SCFD1: variants seen among roughly 807,000 people sequenced by gnomAD.
SCFD1 encodes sec1 family domain containing 1, also known as sec1 family domain-containing protein 1.
SCFD1 carries 37 observed loss-of-function variants against 103.2 expected under a neutral mutation model. That is an observed-to-expected ratio of 0.36 (90% confidence interval 0.28 to 0.47). The LOEUF (loss-of-function observed/expected upper bound fraction) is 0.47. SCFD1 is among the 20% of genes least tolerant of loss of function. The pLI is 1.00. For synonymous variants in SCFD1, 264 were observed against 245.0 expected, an observed-to-expected ratio of 1.08 and a Z score of -0.73; for missense variants, 639 against 761.2, an observed-to-expected ratio of 0.84 and a Z score of 1.89.
intron 10 of SCFD1, among the ~76,000 whole-genome samples, chr14:30,664,539 G>A (rs1373473300): frequency 2.6e-5 from 4 of 152,134 alleles, no homozygotes; most frequent in African/African-American, 4.8e-5. Flanking sequence ...AAAGCTGGAC[G>A]GAGAATGATG....
intron 23 of SCFD1, among the ~76,000 whole-genome samples, chr14:30,728,581 G>A (rs1196648051): frequency 6.6e-6 from 1 of 152,076 alleles, no homozygotes; most frequent in African/African-American, 2.4e-5. Context: ...CTTCTTTTAG[G>A]TATATACCTA....
chr14:30,625,705 A>ATATAGGCATATAGGTATACCGATATAGG (rs1473030028), intron 1 of SCFD1, among the ~76,000 whole-genome samples: 10 of 105,986 alleles, frequency 9.4e-5, no homozygotes, highest in African/African-American at 5.1e-4. Flanking sequence ...AGGTATAGGT[A>ATATAGGCATATAGGTATACCGATATAGG]TATAGGTATA....
chr14:30,668,148 A>G (rs546131818), intron 10 of SCFD1, among the ~76,000 whole-genome samples: 1 of 152,330 alleles, frequency 6.6e-6, no homozygotes, highest in Non-Finnish European at 1.5e-5. Flanking sequence ...ACTTCAAACT[A>G]TACTACAAGG....
chr14:30,684,366 A>G (rs1458584601), intron 14 of SCFD1, among the ~76,000 whole-genome samples: 3 of 152,206 alleles, frequency 2.0e-5, no homozygotes, highest in African/African-American at 7.2e-5. Context: ...GGGACAAACT[A>G]GTTTTAGAAA....
At chr14:30,651,800 T>C (rs1271320983) in intron 9 of SCFD1, among the ~76,000 whole-genome samples, 1 of 152,218 alleles carries the variant, frequency 6.6e-6, no homozygotes, top group African/African-American at 2.4e-5. Context: ...TATTGTTAAA[T>C]ACATTTGAAT....
intron 21 of SCFD1, 63 bp downstream of exon 21, chr14:30,719,440 T>A: frequency 8.3e-7 from 1 of 1,198,386 alleles, no homozygotes; most frequent in Non-Finnish European, 1.2e-6. Flanking sequence ...AAATAATTTT[T>A]TTATTATATA....
intron 23 of SCFD1, among the ~76,000 whole-genome samples, chr14:30,723,343 A>G (rs1594766501): frequency 6.6e-6 from 1 of 152,104 alleles, no homozygotes; most frequent in African/African-American, 2.4e-5. Context: ...AACCACCAAG[A>G]TATATGTAAG....
rs1292451918 is a variant in SCFD1 at position 30,700,201 on chromosome 14, A to G, written c.1353A>G (p.Glu451=). Residue 451 remains glutamate, a synonymous_variant, in exon 16 of 25, where the codon GAA becomes GAG. Transcript: ENST00000458591. ...TCCCCTATGCAGCAGGAACTCCAGA[A>G]GATAAAATGAGGTTGTTTCTTATCT... The part of the protein sequence containing the change: ...IISDPDAGTP[E]DKMRLFLIYY... The G allele has an allele frequency of 1.2e-6, 2 of 1,610,624 alleles. No homozygotes were observed. The highest frequency in any genetic ancestry group is 1.7e-6 in the Non-Finnish European group (2 of 1,177,112).
intron 6 of SCFD1, among the ~76,000 whole-genome samples, 194 bp from the exon 7 acceptor site, chr14:30,643,122 G>C (rs1836324453): frequency 6.6e-6 from 1 of 152,140 alleles, no homozygotes. Flanking sequence ...GCAGTAAGCC[G>C]TGATCATGTC....
At chr14:30,644,857 T>G (rs552895332) in intron 7 of SCFD1, among the ~76,000 whole-genome samples, 1 of 152,272 alleles carries the variant, frequency 6.6e-6, no homozygotes, top group South Asian at 2.1e-4. Context: ...AATTTGTCTG[T>G]TTTTGTTTTT....
At chr14:30,645,023 G>A (rs761813194) in intron 7 of SCFD1, among the ~76,000 whole-genome samples, 1 of 152,124 alleles carries the variant, frequency 6.6e-6, no homozygotes, top group Non-Finnish European at 1.5e-5. Context: ...GTGAAAGGAA[G>A]GGGTTCAGTT....
intron 10 of SCFD1, among the ~76,000 whole-genome samples, chr14:30,660,509 G>T (rs75582805): frequency 6.6e-6 from 1 of 152,056 alleles, no homozygotes; most frequent in Non-Finnish European, 1.5e-5. Context: ...TTTACCTAAA[G>T]GTTTAAATGT....
intron 3 of SCFD1, among the ~76,000 whole-genome samples, chr14:30,631,928 A>G (rs1884179278): frequency 6.6e-6 from 1 of 151,590 alleles, no homozygotes; most frequent in Non-Finnish European, 1.5e-5. Flanking sequence ...CCCACCTGTA[A>G]TCCTAGCTAC....
intron 4 of SCFD1, chr14:30,634,666 G>T (rs1394480554): frequency 2.7e-6 from 1 of 370,674 alleles, no homozygotes; most frequent in African/African-American, 2.1e-5. Flanking sequence ...TAAAATAAGG[G>T]TGAGATTAGG....
chr14:30,684,778 A>G (rs1889812835), intron 14 of SCFD1, among the ~76,000 whole-genome samples: 1 of 133,148 alleles, frequency 7.5e-6, no homozygotes, highest in South Asian at 2.4e-4. Flanking sequence ...AGTCTCCAAC[A>G]CAATGCTGTA....
chr14:30,654,014 A>G (rs1480382913), intron 10 of SCFD1: 3 of 153,090 alleles, frequency 2.0e-5, no homozygotes, highest in African/African-American at 7.2e-5. Context: ...ATGTTACACC[A>G]TATGTTTTCT....
At chr14:30,643,093 A>T (rs760765243) in intron 6 of SCFD1, among the ~76,000 whole-genome samples, 4 of 152,128 alleles carry the variant, frequency 2.6e-5, no homozygotes, top group African/African-American at 4.8e-5. Flanking sequence ...GGATCACTTG[A>T]GCCCAGGAGG....
At position 30,672,972 on chromosome 14, in the gene SCFD1, G is replaced by A. The variant is rs189720588; in HGVS notation, c.996-285G>A. 3.0e-3 allele frequency among the ~76,000 whole-genome samples: 452 copies of A among 152,190 alleles called. 3 individuals are homozygous for A. The highest frequency in any genetic ancestry group is 0.01 in the African/African-American group (420 of 41,528). On this transcript the variant is annotated intron_variant, in intron 11 of 24. Coordinates refer to ENST00000458591, the MANE Select transcript of SCFD1 (RefSeq NM_016106.4). ...ATATTTTACTTTTTCTTCTAAAAAC[G>A]TATAAGTGAAGAGAATGTATGATAC...
chr14:30,730,605 C>T (rs1893385269), intron 23 of SCFD1, among the ~76,000 whole-genome samples: 1 of 152,196 alleles, frequency 6.6e-6, no homozygotes, highest in Admixed American at 6.5e-5. Context: ...TCTCTGATGG[C>T]CAGTGATGAT....
Sources: gnomAD v4.1 joint callset for allele counts (sites outside exome capture counted in the v4.1 genomes callset) on GRCh38, gnomAD v4.1.1 for gene constraint, MANE v1.5 for transcripts, NCBI Gene and HGNC (gene_info 2026-07-23, HGNC 2026-07-21) for gene names.